The following LYN variants were observed in gnomAD, a reference collection of about 807,000 sequenced individuals.
LYN encodes tyrosine-protein kinase Lyn.
In LYN, 12 loss-of-function variants were observed where a neutral mutation model predicts 65.0. That is an observed-to-expected ratio of 0.18 (90% CI 0.12 to 0.30). The LOEUF (loss-of-function observed/expected upper bound fraction) is 0.30, where lower values mean the gene tolerates loss of function less well. LYN is among the 10% of genes least tolerant of loss of function. The pLI is 1.00. For synonymous variants in LYN, 222 were observed against 221.2 expected (o/e 1.00, Z -0.03); for missense variants, 380 against 623.2 (o/e 0.61, Z 4.16).
chr8:56,002,638 T>A (rs1808551462), intron 12 of LYN, among the ~76,000 whole-genome samples: 1 of 150,832 alleles, frequency 6.6e-6, no homozygotes, highest in Admixed American at 6.6e-5. Context: ...TTAAATTAAA[T>A]TAAATTAAAT....
chr8:55,988,384 G>T (rs1201691508), intron 10 of LYN, among the ~76,000 whole-genome samples: 1 of 151,324 alleles, frequency 6.6e-6, no homozygotes, highest in Non-Finnish European at 1.5e-5. Context: ...GTCAGTTTGG[G>T]ATTGACTCCA....
At chr8:56,009,165 T>G (rs749029574) in intron 12 of LYN, among the ~76,000 whole-genome samples, 5 of 152,352 alleles carry the variant, frequency 3.3e-5, no homozygotes, top group Middle Eastern at 6.8e-3. Flanking sequence ...TACTACAAGT[T>G]GAAGCTGAAA....
At chr8:55,980,528 C>G (rs576027571) in intron 10 of LYN, 1 of 152,340 alleles carries the variant, frequency 6.6e-6, no homozygotes, top group Non-Finnish European at 1.5e-5. Context: ...CATACACCAT[C>G]GTGCCCCACA....
intron 6 of LYN, among the ~76,000 whole-genome samples, chr8:55,951,417 A>G (rs1056029532): frequency 2.0e-5 from 3 of 151,788 alleles, no homozygotes; most frequent in African/African-American, 7.3e-5. Flanking sequence ...TGTAATCCCA[A>G]TGCTTTGGGA....
intron 4 of LYN, among the ~76,000 whole-genome samples, chr8:55,950,139 T>A (rs1289117507): frequency 6.6e-6 from 1 of 152,380 alleles, no homozygotes; most frequent in Admixed American, 6.5e-5. Context: ...CTCCACTGGA[T>A]GGATATTCCA....
chr8:56,000,960 G>A (rs1808495071), intron 12 of LYN, among the ~76,000 whole-genome samples: 2 of 152,158 alleles, frequency 1.3e-5, no homozygotes, highest in African/African-American at 4.8e-5. Flanking sequence ...AGTGGGGAGA[G>A]ACTGATGTTT....
rs1378812030 is a variant in LYN, at chr8:55,952,088, A to G, written c.610A>G (p.Ile204Val). 1.3e-6 allele frequency: 2 copies of G among 1,597,142 alleles called. No individual in the cohort carries two copies. The highest frequency in any genetic ancestry group is 1.7e-6 in the Non-Finnish European group (2 of 1,175,436). ...CTCTCCACGAATCACTTTTCCCTGT[A>G]TCAGCGACATGATTAAACATTACCA... ...YISPRITFPC[I>V]SDMIKHYQKQ... The change falls in exon 7 of 13, where the codon ATC (isoleucine) becomes GTC (valine). Residue 204 changes from isoleucine (I) to valine (V), a missense_variant. Around this residue, in one of 2 missense-constraint regions of LYN, gnomAD observed 223 missense variants for 430.0 expected, o/e 0.52. Coordinates refer to ENST00000519728, the MANE Select transcript of LYN (RefSeq NM_002350.4).
chr8:55,963,043 C>A (rs1807333177), intron 8 of LYN, among the ~76,000 whole-genome samples: 1 of 152,214 alleles, frequency 6.6e-6, no homozygotes, highest in African/African-American at 2.4e-5. Context: ...TCCCATGACC[C>A]AAATACCTCC....
At chr8:55,904,415 A>G (rs1805363249) in intron 1 of LYN, among the ~76,000 whole-genome samples, 1 of 152,158 alleles carries the variant, frequency 6.6e-6, no homozygotes, top group South Asian at 2.1e-4. Context: ...CCTGGGTTCT[A>G]TTTGTCAATC....
At chr8:55,999,864 G>C (rs1162182177) in intron 12 of LYN, among the ~76,000 whole-genome samples, 3 of 151,866 alleles carry the variant, frequency 2.0e-5, no homozygotes, top group Admixed American at 6.6e-5. Context: ...CCAGCTACTC[G>C]GGAGGCTGAG....
intron 2 of LYN, among the ~76,000 whole-genome samples, chr8:55,942,527 T>G (rs1388831689): frequency 6.6e-6 from 1 of 150,496 alleles, no homozygotes; most frequent in Non-Finnish European, 1.5e-5. Context: ...TGGCTCACGC[T>G]TGTAATCCCA....
chr8:55,974,207 C>T (rs984658747), intron 10 of LYN, among the ~76,000 whole-genome samples: 1 of 152,198 alleles, frequency 6.6e-6, no homozygotes. Context: ...CTGCAGCCTG[C>T]TGTTGTCTCA....
intron 2 of LYN, 56 bp from the exon 3 acceptor site, chr8:55,946,392 A>G: frequency 1.8e-6 from 2 of 1,101,014 alleles, no homozygotes; most frequent in African/African-American, 1.6e-5. Context: ...TACAACACGA[A>G]TGTGAGTAAG....
intron 1 of LYN, chr8:55,902,718 T>C (rs909149005): frequency 4.1e-6 from 2 of 485,938 alleles, no homozygotes; most frequent in Admixed American, 2.3e-5. Context: ...CTCATAAGCA[T>C]GGCAAAATGT....
At position 55,905,624 on chromosome 8, in the gene LYN, G is replaced by A. The variant is rs138671020; in HGVS notation, c.-6+25521G>A. The stretch of plus-strand genomic sequence containing the variant: ...GAACCACAAATGTCCCAGTTAAGAG[G>A]ATGGATAGTTTCCCAGGGTTGGAGT... On this transcript the variant is annotated intron_variant, in intron 1 of 12. Coordinates refer to ENST00000519728, the MANE Select transcript of LYN (RefSeq NM_002350.4). 2.6e-3 allele frequency among the ~76,000 whole-genome samples: 393 copies of A among 152,206 alleles called. 1 individual carries two copies. Among genetic ancestry groups the A allele is most frequent in the African/African-American group, 9.0e-3 (375 of 41,518 alleles).
At chr8:56,004,783 T>G (rs969441095) in intron 12 of LYN, among the ~76,000 whole-genome samples, 4 of 147,734 alleles carry the variant, frequency 2.7e-5, no homozygotes, top group African/African-American at 1.1e-4. Context: ...CATACTTTTA[T>G]TTTTCATTTA....
intron 10 of LYN, among the ~76,000 whole-genome samples, chr8:55,989,893 G>A (rs534969123): frequency 7.9e-5 from 12 of 152,196 alleles, no homozygotes; most frequent in Non-Finnish European, 1.0e-4. Flanking sequence ...CCAGGAAGGC[G>A]GGATGTCTTG....
intron 8 of LYN, among the ~76,000 whole-genome samples, chr8:55,964,360 A>G (rs987704617): frequency 6.6e-6 from 1 of 151,992 alleles, no homozygotes; most frequent in Admixed American, 6.6e-5. Context: ...GTCTAGCCTC[A>G]TTTTTCTATA....
intron 4 of LYN, among the ~76,000 whole-genome samples, chr8:55,949,142 T>C (rs1806867773): frequency 1.3e-5 from 2 of 152,176 alleles, no homozygotes; most frequent in South Asian, 4.1e-4. Context: ...TGTCTTATGG[T>C]TTTCTTCTTT....
Sources: allele counts gnomAD v4.1 joint callset (sites outside exome capture counted in the v4.1 genomes callset), GRCh38; gene constraint gnomAD v4.1.1; regional missense constraint gnomAD v4.1.1; transcripts MANE v1.5; gene names NCBI Gene and HGNC (gene_info 2026-07-23, HGNC 2026-07-21).